GUCA1C: variants seen among roughly 807,000 people sequenced by gnomAD.
GUCA1C encodes the protein guanylate cyclase activator 1C.
GUCA1C carries 15 observed loss-of-function variants against 16.2 expected under a neutral mutation model. That is an observed-to-expected ratio of 0.93 (90% CI 0.62 to 1.43). The LOEUF is 1.43. Among genes scored for constraint, GUCA1C ranks in the 40% most tolerant of loss-of-function variants. The probability of loss-of-function intolerance (pLI) is 0.00; values close to 1 mark genes in which losing one functional copy is unlikely to be tolerated. For synonymous variants in GUCA1C, 78 were observed against 85.4 expected (o/e 0.91, Z 0.48); for missense variants, 275 against 244.8 (o/e 1.12, Z -0.82).
At chr3:108,917,275 T>G (rs1946527459) in intron 2 of GUCA1C, among the ~76,000 whole-genome samples, 1 of 152,184 alleles carries the variant, frequency 6.6e-6, no homozygotes, top group Admixed American at 6.5e-5. Context: ...GAAGTGATAT[T>G]AGCCCACATA....
chr3:108,942,203 AAAT>A (rs1168727579), intron 1 of GUCA1C, among the ~76,000 whole-genome samples: 2 of 152,240 alleles, frequency 1.3e-5, no homozygotes, highest in African/African-American at 4.8e-5. Context: ...GGATTCTATG[AAAT>A]AATAAACATA....
chr3:108,929,264 T>C (rs1946646801), intron 1 of GUCA1C, among the ~76,000 whole-genome samples: 2 of 152,206 alleles, frequency 1.3e-5, no homozygotes, highest in Admixed American at 6.5e-5. Flanking sequence ...CTGATGACTT[T>C]TGTATAGAAA....
chr3:108,910,595 T>C (rs148918508), intron 3 of GUCA1C, among the ~76,000 whole-genome samples: 149 of 152,280 alleles, frequency 9.8e-4, no homozygotes, highest in African/African-American at 3.2e-3. Flanking sequence ...CTGAAGTCAT[T>C]ACTGAGTTTT....
Position 108,953,630 on chromosome 3 carries a change from C to T in GUCA1C, c.133G>A (p.Gly45Ser). ...QTLHEFKTLL[G>S]LQGLNQKANK... is the part of the protein sequence containing the mutation. ...GCCTTCTGATTCAGACCTTGCAGAC[C>T]CAAAAGTGTCTTAAATTCATGTAGT... Residue 45 changes from glycine (G) to serine (S), a missense_variant, in exon 1 of 4, where the codon GGT becomes AGT. Gly to Ser is a moderately conservative substitution (Grantham distance 56, BLOSUM62 0). Coordinates refer to ENST00000261047, the MANE Select transcript of GUCA1C (RefSeq NM_005459.4). 6.2e-7 allele frequency: 1 copy of T among 1,613,072 alleles called. No homozygotes were observed.
intron 1 of GUCA1C, among the ~76,000 whole-genome samples, chr3:108,932,323 C>CAAAAAAAAAAA (rs71106610): frequency 9.8e-6 from 1 of 102,042 alleles, no homozygotes; most frequent in Non-Finnish European, 1.9e-5. Context: ...GACCTCCCAC[C>CAAAAAAAAAAA]AAAAAAAAAA....
At chr3:108,939,638 T>C (rs1946765714) in intron 1 of GUCA1C, among the ~76,000 whole-genome samples, 1 of 151,128 alleles carries the variant, frequency 6.6e-6, no homozygotes, top group African/African-American at 2.4e-5. Flanking sequence ...AGGCTGACTT[T>C]TTTTTTTTTA....
rs538890552 is a variant in GUCA1C at position 108,935,628 on chromosome 3, G to A, written c.205-15043C>T. On this transcript the variant is annotated intron_variant, in intron 1 of 3. Coordinates refer to ENST00000261047, the MANE Select transcript of GUCA1C (RefSeq NM_005459.4). ...GGAGAATCGCTTGAACCTGGGAGGC[G>A]GAGGTTACAGTGAGCCAAGATTGCG... Among the ~76,000 whole-genome samples, 7 of 152,070 alleles carry A rather than the reference G, an allele frequency of 4.6e-5. No homozygotes were observed. In the South Asian group the frequency reaches 6.2e-4, roughly 14 times the overall value.
intron 1 of GUCA1C, among the ~76,000 whole-genome samples, chr3:108,939,323 G>GTTTTTTTTTTTTTTT (rs1491279760): frequency 4.2e-4 from 14 of 33,218 alleles, no homozygotes; most frequent in Non-Finnish European, 8.0e-4. Flanking sequence ...TTGCTTCAAG[G>GTTTTTTTTTTTTTTT]CTTTTTTTTT....
At chr3:108,951,185 T>C (rs1007702367) in intron 1 of GUCA1C, among the ~76,000 whole-genome samples, 10 of 151,944 alleles carry the variant, frequency 6.6e-5, no homozygotes, top group African/African-American at 2.2e-4. Flanking sequence ...GTAGCAGATA[T>C]GTAGGAGGAA....
At chr3:108,943,649 G>A (rs1353730455) in intron 1 of GUCA1C, among the ~76,000 whole-genome samples, 1 of 152,114 alleles carries the variant, frequency 6.6e-6, no homozygotes, top group East Asian at 1.9e-4. Flanking sequence ...CTTCGTAAAG[G>A]AGGACTCAAA....
chr3:108,910,850 C>T (rs1381657562), intron 3 of GUCA1C, among the ~76,000 whole-genome samples: 1 of 151,946 alleles, frequency 6.6e-6, no homozygotes, highest in Non-Finnish European at 1.5e-5. Context: ...CGGGGTTTCA[C>T]CATGTTAGCC....
chr3:108,924,760 C>G (rs1000403660), intron 1 of GUCA1C, among the ~76,000 whole-genome samples: 1 of 151,812 alleles, frequency 6.6e-6, no homozygotes, highest in African/African-American at 2.4e-5. Context: ...GCTGTGAATC[C>G]TGGACTTTTT....
At chr3:108,921,353 G>T (rs1269761372) in intron 1 of GUCA1C, among the ~76,000 whole-genome samples, 9 of 152,044 alleles carry the variant, frequency 5.9e-5, no homozygotes. Context: ...ACTTCCTGCA[G>T]GACATTTTGG....
chr3:108,936,642 G>C (rs896095898), intron 1 of GUCA1C, among the ~76,000 whole-genome samples: 12 of 152,216 alleles, frequency 7.9e-5, no homozygotes, highest in Non-Finnish European at 1.6e-4. Flanking sequence ...TCACAGACTT[G>C]AGTAGATGGG....
intron 1 of GUCA1C, among the ~76,000 whole-genome samples, chr3:108,932,222 T>C (rs1306928473): frequency 2.0e-5 from 3 of 150,354 alleles, no homozygotes; most frequent in Non-Finnish European, 4.4e-5. Context: ...TGTTTGGAAA[T>C]GACGAATTCT....
At chr3:108,920,751 G>A (rs1946562426) in intron 1 of GUCA1C, among the ~76,000 whole-genome samples, 166 bp from the exon 2 acceptor site, 1 of 151,996 alleles carries the variant, frequency 6.6e-6, no homozygotes, top group Non-Finnish European at 1.5e-5. Context: ...AAAGTTTATA[G>A]ACACAAGTGA....
intron 1 of GUCA1C, among the ~76,000 whole-genome samples, chr3:108,926,672 A>G (rs1488133855): frequency 6.6e-6 from 1 of 151,824 alleles, no homozygotes; most frequent in Admixed American, 6.6e-5. Context: ...AGTAGAGATG[A>G]GATTTCACCA....
chr3:108,910,788 T>A (rs1229901217), intron 3 of GUCA1C, among the ~76,000 whole-genome samples: 5 of 151,812 alleles, frequency 3.3e-5, no homozygotes, highest in African/African-American at 1.2e-4. Context: ...TAGCTGGGAC[T>A]ACAGGCGCCC....
intron 3 of GUCA1C, among the ~76,000 whole-genome samples, chr3:108,909,312 T>G (rs6784432): frequency 1 from 152,162 of 152,340 alleles, 75,992 homozygotes; most frequent in Non-Finnish European, 1. Context: ...ACAGCAGTCA[T>G]GAGTAGGGCC....
Sources: gnomAD v4.1 joint callset for allele counts (sites outside exome capture counted in the v4.1 genomes callset) on GRCh38, gnomAD v4.1.1 for gene constraint, MANE v1.5 for transcripts, NCBI Gene and HGNC (gene_info 2026-07-23, HGNC 2026-07-21) for gene names.